The following ACP6 variants were observed in gnomAD, a reference collection of about 807,000 sequenced individuals.
ACP6 encodes acid phosphatase 6, lysophosphatidic.
In ACP6, 48 loss-of-function variants were observed where a neutral mutation model predicts 48.1. The ratio of observed to expected loss-of-function variants is 1.00; its 90% CI spans 0.79 to 1.27. ACP6 has a LOEUF of 1.27. ACP6 is among the 50% of genes most tolerant of loss of function. The pLI is 0.00. For missense variants in ACP6, 485 were observed against 529.1 expected (o/e 0.92, Z 0.82); for synonymous variants, 172 against 204.2 (o/e 0.84, Z 1.34).
In ACP6 at chr1:147,670,026, ATGCTGAACACACCAG is replaced by A. The variant is rs1170022463; in HGVS notation, c.8_22del (p.Thr3_Ser7del). The A allele has an allele frequency of 6.5e-7, 1 of 1,539,994 alleles. No individual in the cohort carries two copies. The highest frequency in any genetic ancestry group is 1.4e-5 in the African/African-American group (1 of 73,020). On this transcript the variant is annotated inframe_deletion, in exon 1 of 10. Transcript: ENST00000583509. ...GACGCCCACTGGGGTCCACAAGCGC[ATGCTGAACACACCAG>A]TGATCATGGTGGTAGGCCCTCGCTG...
At chr1:147,667,282 A>G (rs924826357) in intron 1 of ACP6, among the ~76,000 whole-genome samples, 10 of 152,096 alleles carry the variant, frequency 6.6e-5, no homozygotes, top group Admixed American at 2.6e-4. Context: ...CAGTGACCCA[A>G]TCTTGGCTCA....
chr1:147,652,895 C>T (rs1393640599), intron 6 of ACP6, among the ~76,000 whole-genome samples: 1 of 152,020 alleles, frequency 6.6e-6, no homozygotes, highest in Non-Finnish European at 1.5e-5. Context: ...GGCACGATCT[C>T]GGCTCACTGC....
At chr1:147,654,130 G>T in intron 6 of ACP6, 64 bp downstream of exon 6, 2 of 1,584,302 alleles carry the variant, frequency 1.3e-6, no homozygotes, top group Non-Finnish European at 1.7e-6. Flanking sequence ...CTCTCCACCC[G>T]GTTCTAACTC....
Position 147,659,034 on chromosome 1 carries a change from C to A in ACP6, c.485G>T (p.Arg162Leu). The stretch of plus-strand genomic sequence containing the variant: ...CAGATTCCGAAAAATGTTAGTGGAA[C>A]GAATACTGAAAAAAATGAGAAAATA... Reference protein sequence around the residue: ...PTFNPQEVFIRSTNIFRNLES... With the variant: ...PTFNPQEVFILSTNIFRNLES... Residue 162 changes from arginine to leucine, a missense_variant, in exon 4 of 10, where the codon CGT becomes CTT. Coordinates refer to ENST00000583509, the MANE Select transcript of ACP6 (RefSeq NM_016361.5). The A allele has an allele frequency of 1.2e-6, 2 of 1,607,336 alleles. No individual in the cohort carries two copies. The highest frequency in any genetic ancestry group is 1.3e-5 in the African/African-American group (1 of 74,396).
intron 1 of ACP6, among the ~76,000 whole-genome samples, chr1:147,661,551 A>G (rs1160624912): frequency 2.0e-5 from 3 of 152,286 alleles, no homozygotes; most frequent in African/African-American, 7.2e-5. Flanking sequence ...CAATATTAAA[A>G]TTAGTCCAGT....
chr1:147,659,752 T>C lies in ACP6; in HGVS notation c.243A>G (p.Leu81=), dbSNP rs1553212411. ...EEQVEWNPQL[L]EVPPQTQFDY... ...CAAACTGAGTTTGGGGTGGGACCTCTAATAGCTGGGGGTTCCACTCTACCT... is the reference window on the plus strand; with the variant it reads ...CAAACTGAGTTTGGGGTGGGACCTCCAATAGCTGGGGGTTCCACTCTACCT... Residue 81 remains leucine (L), a synonymous_variant, in exon 2 of 10, where the codon TTA becomes TTG. Coordinates refer to ENST00000583509, the MANE Select transcript of ACP6 (RefSeq NM_016361.5). 2 of 1,614,032 alleles carry C rather than the reference T, an allele frequency of 1.2e-6. No individual in the cohort carries two copies.
At chr1:147,657,348 T>C (rs1471469345) in intron 4 of ACP6, among the ~76,000 whole-genome samples, 2 of 152,208 alleles carry the variant, frequency 1.3e-5, no homozygotes, top group Admixed American at 6.5e-5. Flanking sequence ...GGGATTTTTC[T>C]AGGATTTTAC....
At chr1:147,653,092 G>C (rs1170177668) in intron 6 of ACP6, among the ~76,000 whole-genome samples, 1 of 152,160 alleles carries the variant, frequency 6.6e-6, no homozygotes, top group Admixed American at 6.5e-5. Flanking sequence ...CTCCCAAATT[G>C]CTGGGATTAC....
chr1:147,636,926 C>T (rs1389962665), intron 5 of ACP6, among the ~76,000 whole-genome samples: 1 of 152,170 alleles, frequency 6.6e-6, no homozygotes, highest in East Asian at 1.9e-4. Flanking sequence ...GAGAAAGAAG[C>T]ACCACAGTGG....
chr1:147,655,338 G>A, intron 4 of ACP6, 90 bp from the exon 5 acceptor site: 2 of 993,808 alleles, frequency 2.0e-6, no homozygotes, highest in Non-Finnish European at 3.1e-6. Flanking sequence ...TACAGAGATG[G>A]AGCAGAGATC....
At chr1:147,659,219 A>G (rs1660406406) in intron 3 of ACP6, 177 bp downstream of exon 3, 1 of 1,065,844 alleles carries the variant, frequency 9.4e-7, no homozygotes, top group South Asian at 1.7e-5. Flanking sequence ...AGTGCAATGA[A>G]TGCGACCTCC....
At position 147,642,550 on chromosome 1, in the gene ACP6, C is replaced by G. The variant is rs934391668; in HGVS notation, c.*4873G>C. 1.3e-5 allele frequency: 2 copies of G among 152,016 alleles called. No homozygotes were observed. Among genetic ancestry groups the G allele is most frequent in the African/African-American group, 4.8e-5 (2 of 41,308 alleles). 9.4% of individuals were successfully genotyped at this position (152,016 alleles called of 1,614,324 possible). The stretch of plus-strand genomic sequence containing the variant: ...TGAAGCTGGAGAGGTATGCAGGGGC[C>G]AGGTCTCAGGGGGTGATGGAAAGCA... On this transcript the variant is annotated 3_prime_UTR_variant, in exon 10 of 10. Transcript: ENST00000583509.
downstream of ACP6, among the ~76,000 whole-genome samples, chr1:147,640,972 G>A (rs1196241896): frequency 1.3e-5 from 2 of 152,048 alleles, no homozygotes; most frequent in Non-Finnish European, 2.9e-5. Context: ...TCTCCCCGGG[G>A]AATTCCCCAC....
At chr1:147,659,095 C>T in intron 3 of ACP6, 56 bp from the exon 4 acceptor site, 1 of 1,486,022 alleles carries the variant, frequency 6.7e-7, no homozygotes, top group Middle Eastern at 1.8e-4. Flanking sequence ...ATTATATACA[C>T]TCTATTTTAT....
At position 147,669,892 on chromosome 1, in the gene ACP6, C is replaced by T. The variant is rs1297609864; in HGVS notation, c.157G>A (p.Val53Met). Residue 53 changes from valine to methionine, a missense_variant, in exon 1 of 10, where the codon GTG becomes ATG. By Grantham distance (21) the Val-to-Met change is conservative. Transcript: ENST00000583509. ...GCCCCGTGTCGAAACACGACCTGCACCATTTTCAACTTCAGCAGGCTGCGG... is the reference window on the plus strand; with the variant it reads ...GCCCCGTGTCGAAACACGACCTGCATCATTTTCAACTTCAGCAGGCTGCGG... ...VDRSLLKLKM[V>M]QVVFRHGARS... 1 of 1,602,532 alleles carries T rather than the reference C, an allele frequency of 6.2e-7. No homozygotes were observed. Among genetic ancestry groups the T allele is most frequent in the Non-Finnish European group, 8.5e-7 (1 of 1,175,538 alleles).
exon 6 of ACP6, chr1:147,629,962 T>A (rs1040254495): frequency 1.3e-5 from 2 of 152,236 alleles, no homozygotes; most frequent in African/African-American, 4.8e-5. Context: ...GGTGAGTGTA[T>A]GTATGACCAT....
chr1:147,650,563 G>A (rs1298169044), intron 7 of ACP6: 5 of 243,060 alleles, frequency 2.1e-5, no homozygotes, highest in Non-Finnish European at 3.9e-5. Context: ...AAAGAACAAA[G>A]CTGACAAGCT....
intron 1 of ACP6, among the ~76,000 whole-genome samples, chr1:147,660,892 C>T (rs957847011): frequency 2.6e-5 from 4 of 152,014 alleles, no homozygotes; most frequent in East Asian, 3.8e-4. Context: ...TTCATTTTTA[C>T]GTGATGAAAA....
At chr1:147,656,341 G>A (rs145719219) in intron 4 of ACP6, among the ~76,000 whole-genome samples, 2 of 152,296 alleles carry the variant, frequency 1.3e-5, no homozygotes, top group African/African-American at 4.8e-5. Flanking sequence ...CGGCTATTAT[G>A]TAAAGTATAA....
Sources: allele counts gnomAD v4.1 joint callset (sites outside exome capture counted in the v4.1 genomes callset), GRCh38; gene constraint gnomAD v4.1.1; transcripts MANE v1.5; gene names NCBI Gene and HGNC (gene_info 2026-07-23, HGNC 2026-07-21).